Variants in HNRNPL observed in about 807,000 individuals in gnomAD.
HNRNPL encodes the protein heterogeneous nuclear ribonucleoprotein L.
HNRNPL carries 12 observed loss-of-function variants against 64.0 expected under a neutral mutation model. That is an observed-to-expected ratio of 0.19 (90% confidence interval 0.12 to 0.30). The LOEUF (loss-of-function observed/expected upper bound fraction) is 0.30, where lower values mean the gene tolerates loss of function less well. Among genes scored for constraint, HNRNPL ranks in the 10% least tolerant of loss-of-function variants. The pLI, the probability that HNRNPL is intolerant of heterozygous loss-of-function variation, is 1.00. For synonymous variants in HNRNPL, 385 were observed against 313.0 expected, an observed-to-expected ratio of 1.23 and a Z score of -2.43; for missense variants, 484 against 797.4, an observed-to-expected ratio of 0.61 and a Z score of 4.73.
chr19:38,839,261 A>C (rs550065375), intron 8 of HNRNPL: 66 of 495,918 alleles, frequency 1.3e-4, no homozygotes, highest in South Asian at 6.5e-4. Context: ...GCATGACAGA[A>C]AACTGTACAG....
rs562142379 is a variant in HNRNPL, at chr19:38,849,899, T to G, written c.68A>C (p.Asp23Ala). ...RRRLEQRQQP[D>A]EQRRRSGAMV... is the part of the protein sequence containing the mutation. ...CGCTCCCGACCGCCTCCGCTGCTCG[T>G]CCGGCTGCTGCCTCTGCTCCAGCCG... Residue 23 changes from aspartate (D) to alanine (A), a missense_variant, in exon 1 of 13, where the codon GAC becomes GCC. Asp to Ala is a moderately radical substitution (Grantham distance 126). Around this residue, in one of 9 missense-constraint regions of HNRNPL, gnomAD observed 190 missense variants for 160.1 expected, o/e 1.19. Coordinates refer to ENST00000221419, the MANE Select transcript of HNRNPL (RefSeq NM_001533.3). The G allele has an allele frequency of 4.7e-6, 6 of 1,266,118 alleles. No individual in the cohort carries two copies. The highest frequency in any genetic ancestry group is 1.5e-5 in the African/African-American group (1 of 65,056). The allele number at this position is 1,266,118 out of a possible 1,614,324, so 78.4% of individuals were successfully genotyped here.
At chr19:38,841,797 G>C (rs557853182) in intron 6 of HNRNPL, 1 of 456,924 alleles carries the variant, frequency 2.2e-6, no homozygotes, top group Admixed American at 2.5e-5. Context: ...ATGGCTCACA[G>C]ATGTTCTGTC....
Position 38,837,602 on chromosome 19 carries a change from G to A in HNRNPL, c.1607C>T (p.Ser536Leu). 1 of 1,614,216 alleles carries A rather than the reference G, an allele frequency of 6.2e-7. No individual in the cohort carries two copies. Among genetic ancestry groups the A allele is most frequent in the Non-Finnish European group, 8.5e-7 (1 of 1,180,026 alleles). Residue 536 changes from serine (S) to leucine (L), a missense_variant, in exon 11 of 13, where the codon TCA (serine) becomes TTA (leucine). Physicochemically the swap from Ser to Leu is moderately radical, Grantham distance 145. Around this residue, in one of 9 missense-constraint regions of HNRNPL, gnomAD observed 69 missense variants for 91.8 expected, o/e 0.75. Transcript: ENST00000221419. ...GGGCACACTCGACTCACTTTTGCCT[G>A]AGAATACTTTCACAGAAGATGGCCG... ...VKRPSSVKVF[S>L]GKSERSSSGL...
chr19:38,838,156 A>G (rs770717734), intron 10 of HNRNPL, among the ~76,000 whole-genome samples: 3 of 152,236 alleles, frequency 2.0e-5, no homozygotes, highest in Non-Finnish European at 4.4e-5. Flanking sequence ...CTGCTTGCCA[A>G]AAATGTAAAA....
intron 4 of HNRNPL, 27 bp from the exon 5 acceptor site, chr19:38,844,131 C>T: frequency 6.8e-7 from 1 of 1,478,120 alleles, no homozygotes; most frequent in Non-Finnish European, 9.5e-7. Context: ...AAAGTCCCAT[C>T]ACAGGAGATC....
upstream of HNRNPL, among the ~76,000 whole-genome samples, chr19:38,851,979 G>A (rs1385036920): frequency 2.0e-5 from 3 of 151,778 alleles, no homozygotes; most frequent in South Asian, 6.2e-4. Flanking sequence ...CGGTCGCGAC[G>A]AAGGGCGGGG....
At chr19:38,849,494 C>T in intron 1 of HNRNPL, 1 of 644,686 alleles carries the variant, frequency 1.6e-6, no homozygotes, top group Non-Finnish European at 2.2e-6. Flanking sequence ...CTCCCCCACA[C>T]CCCGCTCCGG....
At chr19:38,839,764 C>A (rs775256711) in intron 8 of HNRNPL, 15 of 262,472 alleles carry the variant, frequency 5.7e-5, no homozygotes, top group Non-Finnish European at 7.3e-5. Flanking sequence ...GTTGCCAGGT[C>A]TTAAGTTTTC....
chr19:38,840,435 G>T, intron 7 of HNRNPL, 53 bp downstream of exon 7: 1 of 1,555,724 alleles, frequency 6.4e-7, no homozygotes, highest in Non-Finnish European at 8.7e-7. Flanking sequence ...GCGGGCGGCG[G>T]GCAGGGGCAC....
chr19:38,838,708 C>T, intron 9 of HNRNPL, 110 bp from the exon 10 acceptor site: 1 of 1,336,498 alleles, frequency 7.5e-7, no homozygotes, highest in South Asian at 1.2e-5. Flanking sequence ...GGGCATTGCT[C>T]TACACCTGAG....
In HNRNPL at chr19:38,837,583, ACT is replaced by A. The variant is rs1971971774; in HGVS notation, c.1615+9_1615+10del. Reference sequence around the variant, plus strand: ...GCAATTAGGGCAAGGAGGTGGGCACACTCGACTCACTTTTGCCTGAGAATACT... The same window carrying A: ...GCAATTAGGGCAAGGAGGTGGGCACACGACTCACTTTTGCCTGAGAATACT... On this transcript the variant is annotated intron_variant, in intron 11 of 12. Transcript: ENST00000221419. 5 of 1,614,094 alleles carry A rather than the reference ACT, an allele frequency of 3.1e-6. No homozygotes were observed. In the East Asian group the frequency reaches 1.1e-4, roughly 36 times the overall value.
chr19:38,845,995 T>G lies in HNRNPL; in HGVS notation c.482A>C (p.Gln161Pro), dbSNP rs779629539. ...CNAVNYAADN[Q>P]IYIAGHPAFV... The stretch of plus-strand genomic sequence containing the variant: ...AGCTGGGTGACCAGCAATGTATATT[T>G]GGTTGTCGGCTGCGTAGTTCACTGC... Residue 161 changes from glutamine (Q) to proline (P), a missense_variant, in exon 3 of 13, where the codon CAA becomes CCA. Coordinates refer to ENST00000221419, the MANE Select transcript of HNRNPL (RefSeq NM_001533.3). 6.2e-7 allele frequency: 1 copy of G among 1,614,220 alleles called. No homozygotes were observed. Among genetic ancestry groups the G allele is most frequent in the Non-Finnish European group, 8.5e-7 (1 of 1,180,042 alleles).
Position 38,849,720 on chromosome 19 carries a change from C to T in HNRNPL, c.247G>A (p.Ala83Thr). 2 of 1,369,356 alleles carry T rather than the reference C, an allele frequency of 1.5e-6. No homozygotes were observed. Among genetic ancestry groups the T allele is most frequent in the South Asian group, 1.7e-5 (1 of 57,234 alleles). The allele number at this position is 1,369,356 out of a possible 1,614,324, so 84.8% of individuals were successfully genotyped here. ...GGGGGGGAGAAGGGGGGENYD... is the reference protein window; with the variant it reads ...GGGGGGGAGATGGGGGGENYD... ...CTCACCCCACCGCCGCCGCCGCCCGCCGCCCCGGCTCCTCCACCGCCACCG... is the reference window on the plus strand; with the variant it reads ...CTCACCCCACCGCCGCCGCCGCCCGTCGCCCCGGCTCCTCCACCGCCACCG... Residue 83 changes from alanine (A) to threonine (T), a missense_variant, in exon 1 of 13, where the codon GCG (alanine) becomes ACG (threonine). Around this residue, in one of 9 missense-constraint regions of HNRNPL, gnomAD observed 190 missense variants for 160.1 expected, o/e 1.19. Transcript: ENST00000221419.
chr19:38,850,379 A>G, upstream of HNRNPL: 1 of 177,150 alleles, frequency 5.6e-6, no homozygotes, highest in Non-Finnish European at 1.2e-5. Context: ...TTCCCGCGCC[A>G]CTTCGCAAGG....
chr19:38,846,493 G>A (rs915915183), intron 2 of HNRNPL, among the ~76,000 whole-genome samples: 1 of 152,206 alleles, frequency 6.6e-6, no homozygotes, highest in African/African-American at 2.4e-5. Flanking sequence ...ACACTGGCCA[G>A]GAGCAGTAGT....
At chr19:38,840,019 C>T (rs1972056834) in intron 8 of HNRNPL, 77 bp downstream of exon 8, 14 of 1,397,622 alleles carry the variant, frequency 1.0e-5, no homozygotes, top group South Asian at 4.7e-5. Flanking sequence ...CACCAGGCTC[C>T]CCCCTGGTTC....
rs1971966787 is a variant in HNRNPL, at chr19:38,837,466, G to A, written c.1629C>T (p.Ser543=). The A allele has an allele frequency of 3.7e-6, 6 of 1,614,132 alleles. No individual in the cohort carries two copies. The highest frequency in any genetic ancestry group is 4.2e-6 in the Non-Finnish European group (5 of 1,179,946). ...KVFSGKSERS[S]SGLLEWESKS... Reference sequence around the variant, plus strand: ...TGGATTCCCACTCCAGCAGTCCAGAGGAGCTGCGCTCACCTGATTGCAAAC... The same window carrying A: ...TGGATTCCCACTCCAGCAGTCCAGAAGAGCTGCGCTCACCTGATTGCAAAC... The change falls in exon 12 of 13, where the codon TCC becomes TCT. Residue 543 remains serine (S), a synonymous_variant. Coordinates refer to ENST00000221419, the MANE Select transcript of HNRNPL (RefSeq NM_001533.3).
intron 12 of HNRNPL, 199 bp from the exon 13 acceptor site, chr19:38,836,979 A>G (rs1971949869): frequency 1.8e-6 from 1 of 563,594 alleles, no homozygotes; most frequent in East Asian, 2.9e-5. Context: ...TCATTCCCAT[A>G]GAGAATCCCA....
chr19:38,840,730 C>T (rs1008573044), intron 6 of HNRNPL, 171 bp from the exon 7 acceptor site: 43 of 629,694 alleles, frequency 6.8e-5, no homozygotes, highest in Middle Eastern at 4.1e-4. Flanking sequence ...GCATGAAGCC[C>T]GAGCCTCAAA....
Sources: gnomAD v4.1 joint callset for allele counts (sites outside exome capture counted in the v4.1 genomes callset) on GRCh38, gnomAD v4.1.1 for gene constraint, gnomAD v4.1.1 regional missense constraint, MANE v1.5 for transcripts, NCBI Gene and HGNC (gene_info 2026-07-23, HGNC 2026-07-21) for gene names.